ACTR1B: variants seen among roughly 807,000 people sequenced by gnomAD.
ACTR1B encodes the protein actin related protein 1B.
ACTR1B carries 34 observed loss-of-function variants against 49.4 expected under a neutral mutation model. The ratio of observed to expected loss-of-function variants is 0.69; its 90% CI spans 0.52 to 0.92. ACTR1B has a LOEUF of 0.92. Among genes scored for constraint, ACTR1B ranks in the 40% least tolerant of loss-of-function variants. The pLI, the probability that ACTR1B is intolerant of heterozygous loss-of-function variation, is 0.00. For missense variants in ACTR1B, 471 were observed against 522.4 expected (o/e 0.90, Z 0.96); for synonymous variants, 207 against 207.8 (o/e 1.00, Z 0.03).
Position 97,659,483 on chromosome 2 carries a change from G to C in ACTR1B, c.190-6C>G. ...GTCAGCAGCCCCCGGTGCTCCTGGT[G>C]GGGTGGGAAGGGAGGTGTGGCACCC... On this transcript the variant is annotated splice_polypyrimidine_tract_variant and splice_region_variant and intron_variant, in intron 3 of 10. Coordinates refer to ENST00000289228, the MANE Select transcript of ACTR1B (RefSeq NM_005735.4). This position sits in a 1 kb window ranked among gnomAD's most constrained non-coding sequence, Gnocchi z 4.0. 1 of 1,613,072 alleles carries C rather than the reference G, an allele frequency of 6.2e-7. No individual in the cohort carries two copies. The highest frequency in any genetic ancestry group is 1.3e-5 in the African/African-American group (1 of 75,044).
chr2:97,661,374 G>A (rs1283154553), intron 2 of ACTR1B, among the ~76,000 whole-genome samples: 1 of 152,198 alleles, frequency 6.6e-6, no homozygotes, highest in Admixed American at 6.5e-5. Flanking sequence ...GGCTCGTGGT[G>A]GGTGCAAGGG....
At chr2:97,662,295 T>C (rs533734921) in intron 1 of ACTR1B, among the ~76,000 whole-genome samples, 5 of 150,870 alleles carry the variant, frequency 3.3e-5, no homozygotes, top group South Asian at 2.1e-4. Flanking sequence ...AATATAGAGA[T>C]AGAGAAACCA....
At chr2:97,661,204 G>T (rs562558602) in intron 2 of ACTR1B, among the ~76,000 whole-genome samples, 1 of 152,234 alleles carries the variant, frequency 6.6e-6, no homozygotes, top group Non-Finnish European at 1.5e-5. Flanking sequence ...GCTGAAGCTC[G>T]ACAGGGCGCA....
chr2:97,663,769 G>A, intron 1 of ACTR1B, 74 bp downstream of exon 1: 1 of 1,010,200 alleles, frequency 9.9e-7, no homozygotes. Flanking sequence ...AGGCGGGCGG[G>A]GGTCTCTCCC....
rs1315657316 is a variant in ACTR1B, at chr2:97,656,783, C to G, written c.*75G>C. 1 of 1,323,846 alleles carries G rather than the reference C, an allele frequency of 7.6e-7. No individual in the cohort carries two copies. Among genetic ancestry groups the G allele is most frequent in the Non-Finnish European group, 1.1e-6 (1 of 942,508 alleles). 82.0% of individuals were successfully genotyped at this position (1,323,846 alleles called of 1,614,324 possible). A position where few individuals can be genotyped will look rare whatever the true frequency, so the allele number is the denominator to read the frequency against. On this transcript the variant is annotated 3_prime_UTR_variant, in exon 11 of 11. Transcript: ENST00000289228. ...GGGGACCCTAAGCCTAGTATACGAG[C>G]CAAGACCAAAAAGGGTTAAAGGCTC...
chr2:97,659,015 G>T lies in ACTR1B; in HGVS notation c.316-12C>A. 1 of 1,613,956 alleles carries T rather than the reference G, an allele frequency of 6.2e-7. No individual in the cohort carries two copies. Among genetic ancestry groups the T allele is most frequent in the Non-Finnish European group, 8.5e-7 (1 of 1,179,998 alleles). On this transcript the variant is annotated splice_polypyrimidine_tract_variant and intron_variant, in intron 4 of 10. Coordinates refer to ENST00000289228, the MANE Select transcript of ACTR1B (RefSeq NM_005735.4). The surrounding 1 kb of genome is among the most constrained non-coding windows in gnomAD (Gnocchi z 4.0). ...AGGAGCACAGGATGCTGCGAGGGAC[G>T]GGACAGTTGTAGGCATCAGAGGAGG...
At position 97,659,523 on chromosome 2, in the gene ACTR1B, G is replaced by A. The variant is rs751188327; in HGVS notation, c.190-46C>T. The A allele has an allele frequency of 1.6e-5, 25 of 1,607,140 alleles. No homozygotes were observed. In the East Asian group the frequency reaches 1.6e-4, roughly 10 times the overall value. On this transcript the variant is annotated intron_variant, in intron 3 of 10. Coordinates refer to ENST00000289228, the MANE Select transcript of ACTR1B (RefSeq NM_005735.4). The surrounding 1 kb of genome is among the most constrained non-coding windows in gnomAD (Gnocchi z 4.0). ...GTGTGGCACCCGGCCCTTGCTCAGC[G>A]GCTGCTTTCCGCCCTCCTGGAAGCT...
intron 1 of ACTR1B, among the ~76,000 whole-genome samples, chr2:97,662,243 C>T (rs1246740781): frequency 6.6e-6 from 1 of 152,036 alleles, no homozygotes; most frequent in Non-Finnish European, 1.5e-5. Flanking sequence ...GATGCACAGG[C>T]GAGCCTGCAC....
Position 97,662,942 on chromosome 2 carries a change from A to C in ACTR1B, c.48+901T>G, listed in dbSNP as rs549390731. ...TCAGGGAACCCACATGGGTACTCTA[A>C]AACAGTCATTCAGGGACCCCACGGG... On this transcript the variant is annotated intron_variant, in intron 1 of 10. Transcript: ENST00000289228. Among the ~76,000 whole-genome samples the C allele has an allele frequency of 2.0e-5, 3 of 152,256 alleles. No individual in the cohort carries two copies. In the South Asian group the frequency reaches 6.2e-4, roughly 32 times the overall value.
chr2:97,663,556 CCCGCCCGG>C (rs1288025235), intron 1 of ACTR1B, among the ~76,000 whole-genome samples: 3 of 152,248 alleles, frequency 2.0e-5, no homozygotes, highest in South Asian at 4.1e-4. Context: ...GGGGCGCGTC[CCCGCCCGG>C]CCGCCCGGCT....
At chr2:97,660,543 C>G in intron 3 of ACTR1B, 28 bp downstream of exon 3, 1 of 1,609,168 alleles carries the variant, frequency 6.2e-7, no homozygotes, top group Non-Finnish European at 8.5e-7. Context: ...ACCCCACCCC[C>G]AGGGAAAGGC....
chr2:97,661,837 G>A (rs1158344544), intron 2 of ACTR1B, 45 bp downstream of exon 2: 1 of 1,547,290 alleles, frequency 6.5e-7, no homozygotes. Flanking sequence ...TGTTCTTACA[G>A]AAGGTAAACA....
chr2:97,657,526 G>C lies in ACTR1B; in HGVS notation c.926-17C>G. On this transcript the variant is annotated splice_polypyrimidine_tract_variant and intron_variant, in intron 8 of 10. Transcript: ENST00000289228. ...CTCCGAAGCCTGTGAACACAAAGCTGGCTGAGCCTGGGGTCTGCACCCGGC... is the reference window on the plus strand; with the variant it reads ...CTCCGAAGCCTGTGAACACAAAGCTCGCTGAGCCTGGGGTCTGCACCCGGC... 1 of 1,614,114 alleles carries C rather than the reference G, an allele frequency of 6.2e-7. No individual in the cohort carries two copies. The highest frequency in any genetic ancestry group is 8.5e-7 in the Non-Finnish European group (1 of 1,179,992).
Position 97,659,207 on chromosome 2 carries a change from C to A in ACTR1B, c.315+145G>T. On this transcript the variant is annotated intron_variant, in intron 4 of 10. Coordinates refer to ENST00000289228, the MANE Select transcript of ACTR1B (RefSeq NM_005735.4). This position sits in a 1 kb window ranked among gnomAD's most constrained non-coding sequence, Gnocchi z 4.0. The stretch of plus-strand genomic sequence containing the variant: ...GATTCTGCCTAGCAGCCACTGGGTA[C>A]GTATGCGCACCCAGACACACACGGA... The A allele has an allele frequency of 2.1e-6, 3 of 1,418,992 alleles. No individual in the cohort carries two copies. The highest frequency in any genetic ancestry group is 1.4e-5 in the African/African-American group (1 of 70,980). The allele number at this position is 1,418,992 out of a possible 1,614,324, so 87.9% of individuals were successfully genotyped here.
chr2:97,659,707 G>A lies in ACTR1B; in HGVS notation c.190-230C>T, dbSNP rs1314239009. ...GAGCCCAGCTAGCTTCAGCTGGGGG[G>A]ATCAGAGAGGGTGGCAGTGTGCCCC... On this transcript the variant is annotated intron_variant, in intron 3 of 10. Coordinates refer to ENST00000289228, the MANE Select transcript of ACTR1B (RefSeq NM_005735.4). The surrounding 1 kb of genome is among the most constrained non-coding windows in gnomAD (Gnocchi z 4.0). 8.4e-6 allele frequency: 5 copies of A among 595,964 alleles called. No homozygotes were observed. In the East Asian group the frequency reaches 8.7e-5, roughly 10 times the overall value. 36.9% of individuals were successfully genotyped at this position (595,964 alleles called of 1,614,324 possible).
Position 97,658,432 on chromosome 2 carries a change from T to C in ACTR1B, c.652A>G (p.Lys218Glu). The change falls in exon 6 of 11, where the codon AAA becomes GAA. Residue 218 changes from lysine to glutamate, a missense_variant. Transcript: ENST00000289228. The surrounding 1 kb of genome is among the most constrained non-coding windows in gnomAD (Gnocchi z 5.9). The stretch of plus-strand genomic sequence containing the variant: ...ACCCTCTCGCCCCTTGTCACCTCTT[T>C]GATTGTCCGGACAACCTCAAACTCA... Reference protein sequence around the residue: ...SAEFEVVRTIKERACYLSINP... With the variant: ...SAEFEVVRTIEERACYLSINP... 6.2e-7 allele frequency: 1 copy of C among 1,614,048 alleles called. No homozygotes were observed. The highest frequency in any genetic ancestry group is 1.7e-5 in the Admixed American group (1 of 59,996).
At position 97,659,076 on chromosome 2, in the gene ACTR1B, A is replaced by T; in HGVS notation, c.316-73T>A. 2.5e-6 allele frequency: 4 copies of T among 1,602,766 alleles called. No homozygotes were observed. Among genetic ancestry groups the T allele is most frequent in the Non-Finnish European group, 3.4e-6 (4 of 1,172,836 alleles). ...GGCCCTAAAAGGCTCTTTCCAGAGA[A>T]CCACACCCGCTGGCGCACAGGCAGC... is the stretch of plus-strand genomic sequence containing the variant. On this transcript the variant is annotated intron_variant, in intron 4 of 10. Coordinates refer to ENST00000289228, the MANE Select transcript of ACTR1B (RefSeq NM_005735.4). The surrounding 1 kb of genome is among the most constrained non-coding windows in gnomAD (Gnocchi z 4.0).
chr2:97,659,565 G>T lies in ACTR1B; in HGVS notation c.190-88C>A. ...CTGGAAGCTGACCCTCACCTGCCCT[G>T]ACCAGAACCTCACCTGCCCTGACCA... On this transcript the variant is annotated intron_variant, in intron 3 of 10. Coordinates refer to ENST00000289228, the MANE Select transcript of ACTR1B (RefSeq NM_005735.4). The surrounding 1 kb of genome is among the most constrained non-coding windows in gnomAD (Gnocchi z 4.0). 3.1e-6 allele frequency: 1 copy of T among 324,124 alleles called. No individual in the cohort carries two copies. Among genetic ancestry groups the T allele is most frequent in the South Asian group, 1.9e-5 (1 of 54,002 alleles). 20.1% of individuals were successfully genotyped at this position (324,124 alleles called of 1,614,324 possible). A position where few individuals can be genotyped will look rare whatever the true frequency, so the allele number is the denominator to read the frequency against.
rs1334572847 is a variant in ACTR1B at position 97,659,113 on chromosome 2, C to A, written c.316-110G>T. The A allele has an allele frequency of 6.5e-6, 10 of 1,547,224 alleles. No homozygotes were observed. The African/African-American group carries it at 1.4e-4, about 21-fold the overall frequency. The stretch of plus-strand genomic sequence containing the variant: ...GGCGCACAGGCAGCTCAGCCTCCTA[C>A]CCCTCCTGAGGGCCCCATCCCTTTA... On this transcript the variant is annotated intron_variant, in intron 4 of 10. Transcript: ENST00000289228. The surrounding 1 kb of genome is among the most constrained non-coding windows in gnomAD (Gnocchi z 4.0).
Sources: gnomAD v4.1 joint callset for allele counts (sites outside exome capture counted in the v4.1 genomes callset) on GRCh38, gnomAD v4.1.1 for gene constraint, Gnocchi (gnomAD v3.1) non-coding constraint, MANE v1.5 for transcripts, NCBI Gene and HGNC (gene_info 2026-07-23, HGNC 2026-07-21) for gene names.